The following MT1G variants were observed in gnomAD, a reference collection of about 807,000 sequenced individuals.
MT1G encodes metallothionein-1G.
A neutral mutation model predicts 9.1 loss-of-function variants in MT1G; 8 were observed. The ratio of observed to expected loss-of-function variants is 0.87; its 90% CI spans 0.51 to 1.58. The LOEUF is 1.58. Ranked by LOEUF, MT1G falls within the 40% of genes most tolerant of loss-of-function variation. The pLI, the probability that MT1G is intolerant of heterozygous loss-of-function variation, is 0.00. For missense variants in MT1G, 79 were observed against 77.3 expected (o/e 1.02, Z -0.08); for synonymous variants, 31 against 28.4 (o/e 1.09, Z -0.29).
intron 2 of MT1G, 66 bp from the exon 3 acceptor site, chr16:56,667,036 G>A: frequency 6.2e-7 from 1 of 1,606,196 alleles, no homozygotes; most frequent in Non-Finnish European, 8.5e-7. Flanking sequence ...CCCCAACAGA[G>A]GCCTGTCTCC....
At position 56,667,965 on chromosome 16, in the gene MT1G, C is replaced by T. The variant is rs373407281; in HGVS notation, c.28+1G>A. The T allele has an allele frequency of 1.2e-4, 187 of 1,613,814 alleles. No homozygotes were observed. The highest frequency in any genetic ancestry group is 1.6e-4 in the Non-Finnish European group (183 of 1,179,874). On this transcript the variant is annotated splice_donor_variant, in intron 1 of 2. Transcript: ENST00000379811. LOFTEE classifies it high-confidence loss of function. ...AGGCACAGAACCCGGGCGTCCCTTACCAGCGGCACAGGAGCAGTTGGGGTC... is the reference window on the plus strand; with the variant it reads ...AGGCACAGAACCCGGGCGTCCCTTATCAGCGGCACAGGAGCAGTTGGGGTC...
In MT1G at chr16:56,667,066, AC is replaced by A. The variant is rs1375229916; in HGVS notation, c.98-97del. The A allele has an allele frequency of 2.5e-6, 4 of 1,592,816 alleles. No homozygotes were observed. In the African/African-American group the frequency reaches 4.0e-5, roughly 16 times the overall value. ...GTCTCCATCCCTCCAGCCCCAGAGG[AC>A]CCTTAGTTCATGATGGCATGGTTTT... On this transcript the variant is annotated intron_variant, in intron 2 of 2. Transcript: ENST00000379811.
chr16:56,667,293 G>A lies in MT1G; in HGVS notation c.97+19C>T, dbSNP rs760809579. The stretch of plus-strand genomic sequence containing the variant: ...CCTTAGCCACAGCCCCAGATTCCTG[G>A]AGATGGCCCCGCACTCACTCTTCTT... On this transcript the variant is annotated intron_variant, in intron 2 of 2. Transcript: ENST00000379811. 1.8e-5 allele frequency: 29 copies of A among 1,614,150 alleles called. No individual in the cohort carries two copies. The South Asian group carries it at 3.0e-4, about 16-fold the overall frequency.
At chr16:56,667,052 T>A in intron 2 of MT1G, 82 bp from the exon 3 acceptor site, 1 of 1,599,020 alleles carries the variant, frequency 6.3e-7, no homozygotes, top group Non-Finnish European at 8.5e-7. Context: ...TCTCCATCCC[T>A]CCAGCCCCAG....
Position 56,666,746 on chromosome 16 carries a change from T to C in MT1G, c.*133A>G, listed in dbSNP as rs772329326. 7.5e-7 allele frequency: 1 copy of C among 1,330,470 alleles called. No individual in the cohort carries two copies. The highest frequency in any genetic ancestry group is 1.0e-6 in the Non-Finnish European group (1 of 984,352). The allele number at this position is 1,330,470 out of a possible 1,614,324, so 82.4% of individuals were successfully genotyped here. A position where few individuals can be genotyped will look rare whatever the true frequency, so the allele number is the denominator to read the frequency against. ...AACCAGAACGGGAATCAAGTCTAAG[T>C]GTTTAATTATTATTCACATATTTCA... On this transcript the variant is annotated 3_prime_UTR_variant, in exon 3 of 3. Transcript: ENST00000379811.
At position 56,666,903 on chromosome 16, in the gene MT1G, C is replaced by G; in HGVS notation, c.165G>C (p.Ser55=). 15 of 1,614,108 alleles carry G rather than the reference C, an allele frequency of 9.3e-6. No homozygotes were observed. The highest frequency in any genetic ancestry group is 1.3e-5 in the Non-Finnish European group (15 of 1,179,966). The change falls in exon 3 of 3, where the codon TCG becomes TCC. Residue 55 remains serine (S), a synonymous_variant. Transcript: ENST00000379811. ...CAQGCICKGA[S]EKCSCCA is the part of the protein sequence containing the mutation. ...ATCAGGCGCAGCAGCTGCACTTCTC[C>G]GATGCCCCTTTGCAGATGCAGCCCT...
chr16:56,667,556 C>A (rs796187644), intron 1 of MT1G, among the ~76,000 whole-genome samples, 176 bp from the exon 2 acceptor site: 1 of 152,214 alleles, frequency 6.6e-6, no homozygotes, highest in South Asian at 2.1e-4. Flanking sequence ...AAACCAAGCA[C>A]CCTCCTATTT....
chr16:56,666,954 G>A lies in MT1G; in HGVS notation c.114C>T (p.Cys38=). The A allele has an allele frequency of 6.2e-7, 1 of 1,614,140 alleles. No individual in the cohort carries two copies. Among genetic ancestry groups the A allele is most frequent in the Non-Finnish European group, 8.5e-7 (1 of 1,180,038 alleles). Residue 38 remains cysteine (C), a synonymous_variant, in exon 3 of 3, where the codon TGC becomes TGT. Coordinates refer to ENST00000379811, the MANE Select transcript of MT1G (RefSeq NM_001301267.2). ...GGGCACACTTGGCACAGCCCACAGG[G>A]CAGCAGGAGCAGCAGCCTGGGGAGG... The part of the protein sequence containing the change: ...TSCKKSCCSC[C]PVGCAKCAQG...
chr16:56,667,153 C>T (rs1960792244), intron 2 of MT1G, 159 bp downstream of exon 2: 4 of 1,544,514 alleles, frequency 2.6e-6, no homozygotes, highest in Non-Finnish European at 2.7e-6. Context: ...TGCCCCACCT[C>T]ACATAAGCCC....
Position 56,667,958 on chromosome 16 carries a change from T to C in MT1G, c.28+8A>G, listed in dbSNP as rs1960810785. On this transcript the variant is annotated splice_region_variant and intron_variant, in intron 1 of 2. Transcript: ENST00000379811. The stretch of plus-strand genomic sequence containing the variant: ...CATCCCAAGGCACAGAACCCGGGCG[T>C]CCCTTACCAGCGGCACAGGAGCAGT... 1.9e-6 allele frequency: 3 copies of C among 1,613,714 alleles called. No individual in the cohort carries two copies. The highest frequency in any genetic ancestry group is 2.2e-5 in the South Asian group (2 of 91,056).
In MT1G at chr16:56,666,846, C is replaced by T; in HGVS notation, c.*33G>A. 6.2e-7 allele frequency: 1 copy of T among 1,611,802 alleles called. No homozygotes were observed. Among genetic ancestry groups the T allele is most frequent in the Non-Finnish European group, 8.5e-7 (1 of 1,179,246 alleles). ...AAAATCCTGGATTTTACGGGTCACTCTATTTGTACTTGGGAGCAGGGCTGT... is the reference window on the plus strand; with the variant it reads ...AAAATCCTGGATTTTACGGGTCACTTTATTTGTACTTGGGAGCAGGGCTGT... On this transcript the variant is annotated 3_prime_UTR_variant, in exon 3 of 3. Transcript: ENST00000379811.
rs1255760322 is a variant in MT1G, at chr16:56,666,861, AGCAGG to A, written c.*13_*17del. Reference sequence around the variant, plus strand: ...ACGGGTCACTCTATTTGTACTTGGGAGCAGGGCTGTCCCGACATCAGGCGCAGCAG... The same window carrying A: ...ACGGGTCACTCTATTTGTACTTGGGAGCTGTCCCGACATCAGGCGCAGCAG... On this transcript the variant is annotated 3_prime_UTR_variant, in exon 3 of 3. Coordinates refer to ENST00000379811, the MANE Select transcript of MT1G (RefSeq NM_001301267.2). 2 of 1,614,068 alleles carry A rather than the reference AGCAGG, an allele frequency of 1.2e-6. No individual in the cohort carries two copies. The highest frequency in any genetic ancestry group is 1.7e-6 in the Non-Finnish European group (2 of 1,179,976).
In MT1G at chr16:56,667,391, A is replaced by C. The variant is rs1302007840; in HGVS notation, c.29-11T>G. ...TGCAGGAGACACCTGCTAGAAGAGA[A>C]AAAGCCAGTGAACGGTGAGTGAGAT... is the stretch of plus-strand genomic sequence containing the variant. On this transcript the variant is annotated splice_polypyrimidine_tract_variant and intron_variant, in intron 1 of 2. Coordinates refer to ENST00000379811, the MANE Select transcript of MT1G (RefSeq NM_001301267.2). The C allele has an allele frequency of 6.2e-7, 1 of 1,614,010 alleles. No homozygotes were observed. The highest frequency in any genetic ancestry group is 8.5e-7 in the Non-Finnish European group (1 of 1,179,998).
intron 1 of MT1G, 141 bp downstream of exon 1, chr16:56,667,825 T>C (rs2144350813): frequency 9.9e-7 from 1 of 1,010,180 alleles, no homozygotes; most frequent in East Asian, 2.5e-5. Context: ...CTCAGGAGCT[T>C]GGCCAACAGG....
intron 2 of MT1G, 111 bp from the exon 3 acceptor site, chr16:56,667,081 T>C (rs1960790880): frequency 4.4e-6 from 7 of 1,583,876 alleles, no homozygotes; most frequent in East Asian, 2.2e-5. Flanking sequence ...TAGTTCATGA[T>C]GGCATGGTTT....
Position 56,667,987 on chromosome 16 carries a change from G to T in MT1G, c.7C>A (p.Pro3Thr). MDPNCSCAAAGVS... is the reference protein window; with the variant it reads MDTNCSCAAAGVS... ...TTACCAGCGGCACAGGAGCAGTTGG[G>T]GTCCATTGCAACCCGAGGCGAGACT... Residue 3 changes from proline to threonine, a missense_variant, in exon 1 of 3, where the codon CCC becomes ACC. Pro to Thr is a conservative substitution (Grantham distance 38, BLOSUM62 -1). Transcript: ENST00000379811. 6.2e-7 allele frequency: 1 copy of T among 1,614,020 alleles called. No individual in the cohort carries two copies. The highest frequency in any genetic ancestry group is 8.5e-7 in the Non-Finnish European group (1 of 1,179,916).
intron 2 of MT1G, 76 bp downstream of exon 2, chr16:56,667,236 G>A (rs749175324): frequency 7.8e-5 from 126 of 1,612,000 alleles, no homozygotes; most frequent in Non-Finnish European, 9.2e-5. Context: ...CCAGAAGCAC[G>A]CACTCAGGGA....
In MT1G at chr16:56,668,034, A is replaced by G; in HGVS notation, c.-41T>C. ...GACTAGAGTTCCCAAGCGAGAAGGG[A>G]AGAGGCAGTGGGTGCACGTGGAAGG... On this transcript the variant is annotated 5_prime_UTR_variant, in exon 1 of 3. Transcript: ENST00000379811. 1 of 1,610,306 alleles carries G rather than the reference A, an allele frequency of 6.2e-7. No individual in the cohort carries two copies. Among genetic ancestry groups the G allele is most frequent in the Non-Finnish European group, 8.5e-7 (1 of 1,176,870 alleles).
At chr16:56,667,907 ACT>A (rs149980363) in intron 1 of MT1G, 57 bp downstream of exon 1, 14 of 1,599,198 alleles carry the variant, frequency 8.8e-6, no homozygotes, top group African/African-American at 4.0e-5. Context: ...ACCCAGGGAC[ACT>A]CTCTATGGTG....
Sources: gnomAD v4.1 joint callset for allele counts (sites outside exome capture counted in the v4.1 genomes callset) on GRCh38, gnomAD v4.1.1 for gene constraint, MANE v1.5 for transcripts, NCBI Gene and HGNC (gene_info 2026-07-23, HGNC 2026-07-21) for gene names.